Variants in FRMPD1 observed in about 807,000 individuals in gnomAD.
The protein encoded by FRMPD1 is FERM and PDZ domain containing 1.
FRMPD1 carries 76 observed loss-of-function variants against 117.8 expected under a neutral mutation model. The ratio of observed to expected loss-of-function variants is 0.65; its 90% CI spans 0.54 to 0.78. The LOEUF (loss-of-function observed/expected upper bound fraction) is 0.78. FRMPD1 is among the 30% of genes least tolerant of loss of function. The probability of loss-of-function intolerance (pLI) is 0.00; values close to 1 mark genes in which losing one functional copy is unlikely to be tolerated. For synonymous variants in FRMPD1, 783 were observed against 770.4 expected (o/e 1.02, Z -0.27); for missense variants, 1,786 against 1,964.5 (o/e 0.91, Z 1.72).
intron 2 of FRMPD1, among the ~76,000 whole-genome samples, 190 bp from the exon 3 acceptor site, chr9:37,707,226 G>A (rs945817549): frequency 1.3e-5 from 2 of 152,166 alleles, no homozygotes; most frequent in Non-Finnish European, 2.9e-5. Flanking sequence ...AGAATGCCTG[G>A]CAATACGACT....
chr9:37,659,128 A>T (rs926569571), intron 1 of FRMPD1, among the ~76,000 whole-genome samples: 3 of 152,170 alleles, frequency 2.0e-5, no homozygotes, highest in Non-Finnish European at 4.4e-5. Context: ...AGCCTCCCAA[A>T]GTGCTGGGAT....
intron 1 of FRMPD1, among the ~76,000 whole-genome samples, chr9:37,661,540 T>A (rs547886944): frequency 2.6e-5 from 4 of 152,328 alleles, no homozygotes; most frequent in African/African-American, 9.6e-5. Context: ...AGTTTAGTTT[T>A]GCCTCAAGTT....
the FRMPD1 span, among the ~76,000 whole-genome samples, chr9:37,611,117 G>A: frequency 6.6e-6 from 1 of 152,136 alleles, no homozygotes; most frequent in Non-Finnish European, 1.5e-5. Flanking sequence ...GGGCCAAAGG[G>A]TATGTGCATT....
In FRMPD1 at chr9:37,705,933, C is replaced by T. The variant is rs569380022; in HGVS notation, c.102-1483C>T. ...TGAGATCATGCCACTGCACTCTAGCCTGAGTGACAGAGTAAAACCCTCCCT... is the reference window on the plus strand; with the variant it reads ...TGAGATCATGCCACTGCACTCTAGCTTGAGTGACAGAGTAAAACCCTCCCT... On this transcript the variant is annotated intron_variant, in intron 2 of 15. Coordinates refer to ENST00000377765, the MANE Select transcript of FRMPD1 (RefSeq NM_014907.3). Among the ~76,000 whole-genome samples the T allele has an allele frequency of 5.0e-4, 76 of 150,782 alleles. No individual in the cohort carries two copies. The South Asian group carries it at 0.016, about 31-fold the overall frequency.
chr9:37,658,347 T>G (rs896727697), intron 1 of FRMPD1, among the ~76,000 whole-genome samples: 3 of 152,148 alleles, frequency 2.0e-5, no homozygotes. Context: ...GAGACCCGAG[T>G]GTCCTGGCCC....
chr9:37,618,165 G>A, the FRMPD1 span, among the ~76,000 whole-genome samples: 4 of 152,112 alleles, frequency 2.6e-5, no homozygotes, highest in Non-Finnish European at 5.9e-5. Context: ...CCTTCGGCAG[G>A]GACAATACTG....
chr9:37,745,816 TGTCCACAA>T lies in FRMPD1; in HGVS notation c.3786_3793del (p.Cys1262Ter). On this transcript the variant is annotated frameshift_variant, in exon 16 of 16. Coordinates refer to ENST00000377765, the MANE Select transcript of FRMPD1 (RefSeq NM_014907.3). LOFTEE classifies it high-confidence loss of function. ...GCCTTCCCTGCCAGAACCACTACCA[TGTCCACAA>T]GAGGATCCTCACTTAGAAACTTCAA... The T allele has an allele frequency of 3.1e-6, 5 of 1,614,108 alleles. No individual in the cohort carries two copies. The highest frequency in any genetic ancestry group is 4.2e-6 in the Non-Finnish European group (5 of 1,179,976).
At chr9:37,693,716 C>CAGTA (rs540192770) in intron 2 of FRMPD1, among the ~76,000 whole-genome samples, 82 of 152,326 alleles carry the variant, frequency 5.4e-4, no homozygotes, top group South Asian at 2.3e-3. Context: ...TCTTACTACT[C>CAGTA]TGCTTCCTTC....
At chr9:37,732,496 A>T (rs1823934486) in intron 10 of FRMPD1, 56 bp downstream of exon 10, 4 of 1,525,400 alleles carry the variant, frequency 2.6e-6, no homozygotes, top group African/African-American at 1.4e-5. Flanking sequence ...GCCCCTGGCC[A>T]GGAGGGCCAG....
At chr9:37,727,240 C>T (rs1823653756) in intron 7 of FRMPD1, among the ~76,000 whole-genome samples, 1 of 152,040 alleles carries the variant, frequency 6.6e-6, no homozygotes, top group Non-Finnish European at 1.5e-5. Context: ...AGAGCATGCC[C>T]AGTACAAGGC....
chr9:37,626,621 T>TGG, the FRMPD1 span, among the ~76,000 whole-genome samples: 2 of 28,178 alleles, frequency 7.1e-5, 1 homozygote, highest in Non-Finnish European at 1.4e-4. Flanking sequence ...ACCTGGTATC[T>TGG]GAAAAAAAAA....
chr9:37,734,418 G>A (rs1237614539), intron 12 of FRMPD1, among the ~76,000 whole-genome samples: 1 of 152,004 alleles, frequency 6.6e-6, no homozygotes, highest in Non-Finnish European at 1.5e-5. Flanking sequence ...GAAACGAGAA[G>A]CAGAAAAGCC....
chr9:37,737,240 G>A lies in FRMPD1; in HGVS notation c.1546G>A (p.Glu516Lys), dbSNP rs1366271282. 6.2e-7 allele frequency: 1 copy of A among 1,614,154 alleles called. No homozygotes were observed. Among genetic ancestry groups the A allele is most frequent in the Admixed American group, 1.7e-5 (1 of 60,028 alleles). ...ACAAGCGCACCGGGTATCTGCAGAA[G>A]AAGGTGAGGCACTGAGTCTTGCCCC... ...KQQAHRVSAE[E>K]GYESRACSDS... is the part of the protein sequence containing the mutation. The change falls in exon 14 of 16, where the codon GAA becomes AAA. Residue 516 changes from glutamate to lysine, a missense_variant. Physicochemically the swap from Glu to Lys is moderately conservative, Grantham distance 56. Transcript: ENST00000377765.
chr9:37,622,075 G>C, the FRMPD1 span, among the ~76,000 whole-genome samples: 1 of 152,308 alleles, frequency 6.6e-6, no homozygotes, highest in South Asian at 2.1e-4. Context: ...AAAAGTGCCT[G>C]AGTTCAAAGA....
chr9:37,631,167 A>T, the FRMPD1 span, among the ~76,000 whole-genome samples: 3 of 152,270 alleles, frequency 2.0e-5, no homozygotes, highest in African/African-American at 7.2e-5. Flanking sequence ...GAAGAACAGC[A>T]TGTTAAAAAG....
chr9:37,697,348 C>T (rs567945499), intron 2 of FRMPD1, among the ~76,000 whole-genome samples: 38 of 152,138 alleles, frequency 2.5e-4, no homozygotes, highest in Admixed American at 1.8e-3. Context: ...GCCTGTAATC[C>T]CAGCACTTTG....
intron 5 of FRMPD1, chr9:37,715,730 T>C (rs955339604): frequency 2.2e-6 from 1 of 456,116 alleles, no homozygotes; most frequent in African/African-American, 2.0e-5. Flanking sequence ...ATATTCATGG[T>C]AGCAGAGCTG....
rs774756424 is a variant in FRMPD1, at chr9:37,745,037, A to G, written c.3005A>G (p.Lys1002Arg). The change falls in exon 16 of 16, where the codon AAA (lysine) becomes AGA (arginine). Residue 1002 changes from lysine (K) to arginine (R), a missense_variant. Lys to Arg is a conservative substitution (Grantham distance 26). Transcript: ENST00000377765. ...CAAGACCTGGATGGGATTGCCCCCAAAGAACCAACCATAGAGCATGGAGAC... is the reference window on the plus strand; with the variant it reads ...CAAGACCTGGATGGGATTGCCCCCAGAGAACCAACCATAGAGCATGGAGAC... ...LSQDLDGIAP[K>R]EPTIEHGDSS... 1 of 1,614,092 alleles carries G rather than the reference A, an allele frequency of 6.2e-7. No individual in the cohort carries two copies. Among genetic ancestry groups the G allele is most frequent in the South Asian group, 1.1e-5 (1 of 91,074 alleles).
intron 1 of FRMPD1, among the ~76,000 whole-genome samples, chr9:37,657,356 T>C (rs1263199130): frequency 6.6e-6 from 1 of 152,230 alleles, no homozygotes; most frequent in African/African-American, 2.4e-5. Context: ...AATGTAGAAT[T>C]CAGAAGGATG....
Sources: gnomAD v4.1 joint callset for allele counts (sites outside exome capture counted in the v4.1 genomes callset) on GRCh38, gnomAD v4.1.1 for gene constraint, MANE v1.5 for transcripts, NCBI Gene and HGNC (gene_info 2026-07-23, HGNC 2026-07-21) for gene names.